Variants in SLC39A11 observed in about 807,000 individuals in gnomAD.
SLC39A11 encodes zinc transporter ZIP11.
In SLC39A11, 33 loss-of-function variants were observed where a neutral mutation model predicts 36.1. That is an observed-to-expected ratio of 0.91 (90% CI 0.69 to 1.22). The LOEUF is 1.22. Ranked by LOEUF, SLC39A11 falls within the 50% of genes most tolerant of loss-of-function variation. The pLI is 0.00. For missense variants in SLC39A11, 432 were observed against 430.3 expected (o/e 1.00, Z -0.03); for synonymous variants, 166 against 170.3 (o/e 0.97, Z 0.20).
chr17:72,895,747 T>C (rs752173837), intron 5 of SLC39A11, among the ~76,000 whole-genome samples: 2 of 152,218 alleles, frequency 1.3e-5, no homozygotes, highest in Non-Finnish European at 2.9e-5. Flanking sequence ...CAATTTTCTA[T>C]TTTCTATTCT....
intron 6 of SLC39A11, among the ~76,000 whole-genome samples, chr17:72,841,197 G>A (rs1384488063): frequency 6.6e-6 from 1 of 152,210 alleles, no homozygotes. Flanking sequence ...GCTTCAGTAT[G>A]TGTTATAACA....
At chr17:72,963,688 T>C (rs913841037) in intron 4 of SLC39A11, among the ~76,000 whole-genome samples, 8 of 152,170 alleles carry the variant, frequency 5.3e-5, no homozygotes, top group South Asian at 2.1e-4. Context: ...TCCAAACTCA[T>C]AGGAGGAATC....
chr17:72,914,573 G>A (rs72850907), intron 5 of SLC39A11, among the ~76,000 whole-genome samples: 21,665 of 152,008 alleles, frequency 0.14, 1,862 homozygotes, highest in Non-Finnish European at 0.2. Context: ...TAGGTACTGA[G>A]GGACAGTTGT....
At chr17:72,996,261 C>A (rs2089498108) in intron 4 of SLC39A11, among the ~76,000 whole-genome samples, 2 of 152,210 alleles carry the variant, frequency 1.3e-5, no homozygotes, top group African/African-American at 4.8e-5. Flanking sequence ...CCCTCCGTGG[C>A]CGCTTGAACG....
intron 6 of SLC39A11, among the ~76,000 whole-genome samples, chr17:72,833,785 A>G (rs2078390045): frequency 1.3e-5 from 2 of 152,130 alleles, no homozygotes; most frequent in Non-Finnish European, 2.9e-5. Context: ...CCGACATCAG[A>G]CATCATGATG....
intron 5 of SLC39A11, among the ~76,000 whole-genome samples, chr17:72,925,018 A>G (rs77596752): frequency 2.4e-4 from 37 of 151,138 alleles, no homozygotes; most frequent in East Asian, 1.2e-3. Context: ...AAAAAAAAAA[A>G]AAAGCCATAG....
chr17:72,681,326 T>C (rs2071499857), intron 7 of SLC39A11, among the ~76,000 whole-genome samples: 1 of 152,118 alleles, frequency 6.6e-6, no homozygotes, highest in Non-Finnish European at 1.5e-5. Context: ...CTTAGGAGCA[T>C]CATAGGAGCA....
At chr17:73,004,281 G>A (rs757523000) in intron 4 of SLC39A11, among the ~76,000 whole-genome samples, 2 of 152,098 alleles carry the variant, frequency 1.3e-5, no homozygotes, top group African/African-American at 2.4e-5. Flanking sequence ...CAGGGCTTCC[G>A]CAACATTTAT....
rs570895951 is a variant in SLC39A11, at chr17:73,086,362, C to CCAGT, written c.109-1517_109-1516insACTG. Among the ~76,000 whole-genome samples, 155 of 150,938 alleles carry CCAGT rather than the reference C, an allele frequency of 1.0e-3. 1 individual carries two copies. Among genetic ancestry groups the CCAGT allele is most frequent in the Admixed American group, 2.4e-3 (37 of 15,186 alleles). The stretch of plus-strand genomic sequence containing the variant: ...AGATTTTTTTTTTTTTGCTATCTAT[C>CCAGT]CATAGATGAATGGATAAACAAAATG... On this transcript the variant is annotated intron_variant, in intron 2 of 9. Coordinates refer to ENST00000255559, the MANE Select transcript of SLC39A11 (RefSeq NM_139177.4).
At chr17:72,872,924 G>A (rs148420273) in intron 5 of SLC39A11, among the ~76,000 whole-genome samples, 4,335 of 151,762 alleles carry the variant, frequency 0.029, 214 homozygotes, top group African/African-American at 0.096. Context: ...GCGTGGTGGC[G>A]GGCACCTGTA....
intron 4 of SLC39A11, among the ~76,000 whole-genome samples, chr17:73,004,231 G>GAA (rs374734668): frequency 3.2e-5 from 2 of 61,722 alleles, no homozygotes; most frequent in African/African-American, 1.6e-4. Flanking sequence ...AAGAAAGAAA[G>GAA]AAAAGAAAGA....
intron 3 of SLC39A11, among the ~76,000 whole-genome samples, chr17:73,076,802 C>CT (rs76799031): frequency 0.27 from 37,460 of 139,376 alleles, 5,029 homozygotes; most frequent in Middle Eastern, 0.42. Context: ...TTCTTTTTTT[C>CT]TTTTTTTTTT....
chr17:72,763,905 C>T (rs899605243), intron 6 of SLC39A11, among the ~76,000 whole-genome samples: 6 of 152,142 alleles, frequency 3.9e-5, no homozygotes, highest in Non-Finnish European at 7.4e-5. Context: ...CCAGATGAAC[C>T]CAGCTCACCT....
intron 6 of SLC39A11, among the ~76,000 whole-genome samples, chr17:72,827,874 G>A (rs1270684299): frequency 6.6e-6 from 1 of 152,212 alleles, no homozygotes; most frequent in Non-Finnish European, 1.5e-5. Flanking sequence ...GTTACTGTGG[G>A]ACAGGTGCCC....
chr17:72,837,405 G>A (rs1401333038), intron 6 of SLC39A11, among the ~76,000 whole-genome samples: 4 of 134,812 alleles, frequency 3.0e-5, no homozygotes, highest in African/African-American at 1.1e-4. Context: ...GACACCCCAA[G>A]CAAGTGCCAT....
rs1271434359 is a variant in SLC39A11, at chr17:72,861,782, A to ATATATC, written c.431-11979_431-11978insGATATA. On this transcript the variant is annotated intron_variant, in intron 5 of 9. Coordinates refer to ENST00000255559, the MANE Select transcript of SLC39A11 (RefSeq NM_139177.4). ...TATATATATATATATATATATATAT[A>ATATATC]TCCAATGCTATTTCATTAAGCCATT... 2.8e-3 allele frequency among the ~76,000 whole-genome samples: 254 copies of ATATATC among 91,444 alleles called. 5 individuals are homozygous for ATATATC. Among genetic ancestry groups the ATATATC allele is most frequent in the African/African-American group, 3.2e-3 (84 of 25,872 alleles). 60.0% of individuals were successfully genotyped at this position (91,444 alleles called of 152,430 possible). A position where few individuals can be genotyped will look rare whatever the true frequency, so the allele number is the denominator to read the frequency against.
intron 7 of SLC39A11, among the ~76,000 whole-genome samples, chr17:72,703,676 T>C (rs565192602): frequency 1.8e-4 from 27 of 152,358 alleles, no homozygotes; most frequent in African/African-American, 6.5e-4. Context: ...TTAACATCCA[T>C]GGCCAACCAA....
chr17:72,704,329 G>A (rs917604627), intron 7 of SLC39A11, among the ~76,000 whole-genome samples: 1 of 152,124 alleles, frequency 6.6e-6, no homozygotes, highest in Non-Finnish European at 1.5e-5. Context: ...CTAGTAAATC[G>A]CAGCACCTCG....
chr17:72,650,794 G>A (rs922143468), intron 7 of SLC39A11, among the ~76,000 whole-genome samples: 3 of 152,196 alleles, frequency 2.0e-5, no homozygotes, highest in Non-Finnish European at 4.4e-5. Flanking sequence ...ATTGCTGCAA[G>A]GGAGTGTTGT....
Sources: allele counts gnomAD v4.1 joint callset (sites outside exome capture counted in the v4.1 genomes callset), GRCh38; gene constraint gnomAD v4.1.1; transcripts MANE v1.5; gene names NCBI Gene and HGNC (gene_info 2026-07-23, HGNC 2026-07-21).